Variants in LRRC4C observed in about 807,000 individuals in gnomAD.
LRRC4C encodes the protein leucine rich repeat containing 4C.
LRRC4C carries 5 observed loss-of-function variants against 33.6 expected under a neutral mutation model. The ratio of observed to expected loss-of-function variants is 0.15; its 90% CI spans 0.08 to 0.31. LRRC4C has a LOEUF of 0.31. Ranked by LOEUF, LRRC4C falls within the 10% of genes least tolerant of loss-of-function variation. The pLI is 1.00. For missense variants in LRRC4C, 560 were observed against 796.7 expected, an observed-to-expected ratio of 0.70 and a Z score of 3.58; for synonymous variants, 329 against 302.0, an observed-to-expected ratio of 1.09 and a Z score of -0.93.
chr11:40,236,401 C>T (rs932715010), intron 5 of LRRC4C, among the ~76,000 whole-genome samples: 1 of 152,122 alleles, frequency 6.6e-6, no homozygotes, highest in Non-Finnish European at 1.5e-5. Flanking sequence ...AAGCAAATAA[C>T]TTTTAAAGAT....
At chr11:40,505,444 A>G (rs769403767) in intron 3 of LRRC4C, among the ~76,000 whole-genome samples, 1 of 152,186 alleles carries the variant, frequency 6.6e-6, no homozygotes, top group African/African-American at 2.4e-5. Flanking sequence ...ATGTCATCAG[A>G]CAGGATTGAA....
chr11:41,094,567 A>T (rs1339006298), intron 1 of LRRC4C, among the ~76,000 whole-genome samples: 1 of 151,778 alleles, frequency 6.6e-6, no homozygotes, highest in Non-Finnish European at 1.5e-5. Context: ...TACTGAGAGA[A>T]CTCTTCTTTA....
At chr11:40,708,493 G>C (rs868632554) in intron 2 of LRRC4C, among the ~76,000 whole-genome samples, 2 of 152,166 alleles carry the variant, frequency 1.3e-5, no homozygotes, top group African/African-American at 4.8e-5. Context: ...TCAGGAGCAG[G>C]TTGTTCAGTT....
chr11:40,702,347 A>C (rs1041259078), intron 2 of LRRC4C, among the ~76,000 whole-genome samples: 3 of 152,098 alleles, frequency 2.0e-5, no homozygotes, highest in African/African-American at 4.8e-5. Flanking sequence ...TTATGAAAAA[A>C]GTCTCTCTTA....
intron 3 of LRRC4C, among the ~76,000 whole-genome samples, chr11:40,393,165 G>C (rs931540720): frequency 6.6e-6 from 1 of 152,096 alleles, no homozygotes; most frequent in Non-Finnish European, 1.5e-5. Context: ...CAGAGTTGCT[G>C]TGCATAATCA....
At chr11:40,523,427 CTCTTA>C (rs1160479642) in intron 3 of LRRC4C, among the ~76,000 whole-genome samples, 2 of 151,276 alleles carry the variant, frequency 1.3e-5, no homozygotes, top group Non-Finnish European at 3.0e-5. Context: ...GAATATCAAT[CTCTTA>C]TAAGATATAT....
intron 3 of LRRC4C, among the ~76,000 whole-genome samples, chr11:40,425,129 A>G (rs535401081): frequency 0.031 from 1,680 of 54,244 alleles, 32 homozygotes; most frequent in African/African-American, 0.087. Flanking sequence ...TTTGTGGGGA[A>G]AAAAAAAAAG....
rs1211195406 is a variant in LRRC4C at position 40,460,630 on chromosome 11, A to T, written c.-269-140909T>A. Among the ~76,000 whole-genome samples the T allele has an allele frequency of 2.0e-5, 3 of 152,216 alleles. No individual in the cohort carries two copies. The East Asian group carries it at 5.8e-4, about 29-fold the overall frequency. ...ATAAATTGGCAGTAAGCTTTGGGAA[A>T]TGACATTTAGTTCACCACAATTTCA... is the stretch of plus-strand genomic sequence containing the variant. On this transcript the variant is annotated intron_variant, in intron 3 of 6. Coordinates refer to ENST00000528697, the MANE Select transcript of LRRC4C (RefSeq NM_001258419.2).
chr11:40,304,530 A>G (rs1006909016), intron 4 of LRRC4C, among the ~76,000 whole-genome samples: 22 of 152,158 alleles, frequency 1.4e-4, no homozygotes, highest in African/African-American at 5.3e-4. Flanking sequence ...TAATAAAGTC[A>G]AGGTAAAATT....
At chr11:40,912,010 G>C (rs1214169857) in intron 2 of LRRC4C, among the ~76,000 whole-genome samples, 1 of 152,134 alleles carries the variant, frequency 6.6e-6, no homozygotes, top group Admixed American at 6.6e-5. Context: ...AGAATAAAAA[G>C]AAATGAACAA....
intron 1 of LRRC4C, among the ~76,000 whole-genome samples, chr11:40,987,257 A>T (rs1339398980): frequency 2.0e-5 from 3 of 152,198 alleles, no homozygotes; most frequent in African/African-American, 7.2e-5. Flanking sequence ...ATCTCAGGGA[A>T]TACCTACAAG....
At chr11:41,106,259 G>C (rs1184514234) in intron 1 of LRRC4C, among the ~76,000 whole-genome samples, 1 of 151,910 alleles carries the variant, frequency 6.6e-6, no homozygotes, top group East Asian at 1.9e-4. Flanking sequence ...GTGTGTGTGT[G>C]TGTGTGTAGA....
intron 5 of LRRC4C, among the ~76,000 whole-genome samples, chr11:40,163,218 A>T (rs1226537970): frequency 6.6e-6 from 1 of 152,240 alleles, no homozygotes; most frequent in Non-Finnish European, 1.5e-5. Flanking sequence ...TATCCATTAA[A>T]AGTTTCTGAT....
chr11:40,300,602 C>A (rs942036865), intron 4 of LRRC4C, among the ~76,000 whole-genome samples: 1 of 152,154 alleles, frequency 6.6e-6, no homozygotes, highest in East Asian at 1.9e-4. Context: ...ACTGCAAAAT[C>A]TGAGGATGCT....
chr11:41,015,721 A>G (rs891152970), intron 1 of LRRC4C, among the ~76,000 whole-genome samples: 1 of 152,228 alleles, frequency 6.6e-6, no homozygotes, highest in Admixed American at 6.5e-5. Context: ...CAAATGCGTC[A>G]AAGTGGAAAA....
At chr11:40,964,875 G>T (rs1220279494) in intron 1 of LRRC4C, among the ~76,000 whole-genome samples, 3 of 151,864 alleles carry the variant, frequency 2.0e-5, no homozygotes, top group African/African-American at 7.2e-5. Flanking sequence ...TAATCCTTTG[G>T]GTATATACCC....
At chr11:40,605,795 C>T (rs2135842117) in intron 3 of LRRC4C, among the ~76,000 whole-genome samples, 1 of 152,282 alleles carries the variant, frequency 6.6e-6, no homozygotes, top group Non-Finnish European at 1.5e-5. Context: ...CACCATAGTT[C>T]CTGCCACTAG....
At chr11:40,823,544 G>T (rs1565102552) in intron 2 of LRRC4C, among the ~76,000 whole-genome samples, 1 of 151,618 alleles carries the variant, frequency 6.6e-6, no homozygotes, top group Non-Finnish European at 1.5e-5. Flanking sequence ...CAAATATTTT[G>T]AATAGACATT....
intron 1 of LRRC4C, among the ~76,000 whole-genome samples, chr11:41,111,899 C>A (rs974946936): frequency 6.6e-6 from 1 of 151,896 alleles, no homozygotes; most frequent in Admixed American, 6.6e-5. Flanking sequence ...TACCCAGATT[C>A]AGTATTTTCT....
Sources: gnomAD v4.1 joint callset for allele counts (sites outside exome capture counted in the v4.1 genomes callset) on GRCh38, gnomAD v4.1.1 for gene constraint, MANE v1.5 for transcripts, NCBI Gene and HGNC (gene_info 2026-07-23, HGNC 2026-07-21) for gene names.